MGAT4C: variants seen among roughly 807,000 people sequenced by gnomAD.
The protein encoded by MGAT4C is MGAT4 family member C.
Under a neutral mutation model 40.1 loss-of-function variants are expected in MGAT4C, and 19 were observed. The observed-to-expected ratio is 0.47, with a 90% CI of 0.33 to 0.70. The LOEUF (loss-of-function observed/expected upper bound fraction) is 0.70, where lower values mean the gene tolerates loss of function less well. Among genes scored for constraint, MGAT4C ranks in the 30% least tolerant of loss-of-function variants. The pLI, the probability that MGAT4C is intolerant of heterozygous loss-of-function variation, is 0.02. For synonymous variants in MGAT4C, 181 were observed against 187.1 expected (o/e 0.97, Z 0.27); for missense variants, 491 against 563.2 (o/e 0.87, Z 1.30).
In MGAT4C at chr12:86,303,559, T is replaced by TAA. The variant is rs67440846; in HGVS notation, c.-57+30504_-57+30505dup. On this transcript the variant is annotated intron_variant, in intron 4 of 7. Transcript: ENST00000548651. ...TGGAGAATGATTGAAGGAAGACACTTAAAAAAAAAAGAATAAAACTACTGC... is the reference window on the plus strand; with the variant it reads ...TGGAGAATGATTGAAGGAAGACACTTAAAAAAAAAAAAGAATAAAACTACTGC... Among the ~76,000 whole-genome samples, 874 of 145,916 alleles carry TAA rather than the reference T, an allele frequency of 6.0e-3. 59 individuals are homozygous for TAA. The highest frequency in any genetic ancestry group is 0.019 in the African/African-American group (705 of 37,918).
In MGAT4C at chr12:86,612,474, G is replaced by A. The variant is rs184013143; in HGVS notation, c.-229+114735C>T. Among the ~76,000 whole-genome samples, 30 of 152,160 alleles carry A rather than the reference G, an allele frequency of 2.0e-4. No homozygotes were observed. The East Asian group carries it at 5.0e-3, about 26-fold the overall frequency. On this transcript the variant is annotated intron_variant, in intron 2 of 7. Coordinates refer to the MGAT4C transcript ENST00000548651. ...AATTTAAAAAGTAGATGTGGGCCAG[G>A]CGCGGTGGCTCAAGCCTGTAATCCC...
chr12:86,153,196 C>A (rs903726079), intron 1 of MGAT4C, among the ~76,000 whole-genome samples: 1 of 152,098 alleles, frequency 6.6e-6, no homozygotes, highest in Non-Finnish European at 1.5e-5. Context: ...GCTGTAAACC[C>A]AACAAGTACA....
chr12:86,381,568 C>T lies in MGAT4C; in HGVS notation c.-119-47441G>A, dbSNP rs1178552460. On this transcript the variant is annotated intron_variant, in intron 3 of 7. Coordinates refer to the MGAT4C transcript ENST00000548651. ...CAACAGTGAGGGCAGATCTTTCCCACCTAATACCTTCAGACTCACACACTA... is the reference window on the plus strand; with the variant it reads ...CAACAGTGAGGGCAGATCTTTCCCATCTAATACCTTCAGACTCACACACTA... 5.9e-5 allele frequency among the ~76,000 whole-genome samples: 9 copies of T among 152,242 alleles called. 1 individual carries two copies. In the East Asian group the frequency reaches 1.7e-3, roughly 29 times the overall value.
chr12:86,612,769 T>C (rs1217989422), intron 2 of MGAT4C, among the ~76,000 whole-genome samples: 2 of 150,954 alleles, frequency 1.3e-5, no homozygotes, highest in Non-Finnish European at 3.0e-5. Flanking sequence ...AAAGTAGATG[T>C]TACATACCGC....
chr12:86,529,382 CT>C (rs752464135), intron 2 of MGAT4C, among the ~76,000 whole-genome samples: 2 of 152,088 alleles, frequency 1.3e-5, no homozygotes, highest in Non-Finnish European at 2.9e-5. Flanking sequence ...TCCACCTTCT[CT>C]TTTCCCTCTG....
At chr12:86,337,633 G>T (rs369180483) in intron 3 of MGAT4C, among the ~76,000 whole-genome samples, 8 of 151,326 alleles carry the variant, frequency 5.3e-5, no homozygotes, top group African/African-American at 1.9e-4. Flanking sequence ...TATAATTCAG[G>T]CAAGATACAA....
At chr12:86,338,983 CAGAG>C (rs1452340128) in intron 3 of MGAT4C, among the ~76,000 whole-genome samples, 26 of 84,072 alleles carry the variant, frequency 3.1e-4, no homozygotes, top group African/African-American at 1.0e-3. Flanking sequence ...AAAAAAAAAA[CAGAG>C]AGAAAGAGAG....
intron 2 of MGAT4C, among the ~76,000 whole-genome samples, chr12:86,020,086 T>A (rs1889532386): frequency 6.6e-6 from 1 of 152,154 alleles, no homozygotes; most frequent in Admixed American, 6.6e-5. Flanking sequence ...TTAAGGAGAT[T>A]TTGGGCTGAG....
chr12:86,127,147 C>T (rs533077251), intron 1 of MGAT4C, among the ~76,000 whole-genome samples: 17 of 152,222 alleles, frequency 1.1e-4, no homozygotes, highest in African/African-American at 2.9e-4. Flanking sequence ...TACAGATCAG[C>T]GGCACAGGGG....
intron 1 of MGAT4C, among the ~76,000 whole-genome samples, chr12:86,091,160 TA>T (rs912443215): frequency 4.6e-5 from 7 of 151,862 alleles, no homozygotes; most frequent in African/African-American, 1.7e-4. Context: ...TATTTTAAAA[TA>T]AAAAAATGTT....
chr12:86,789,009 G>A (rs1951979986), intron 1 of MGAT4C, among the ~76,000 whole-genome samples: 1 of 152,070 alleles, frequency 6.6e-6, no homozygotes, highest in African/African-American at 2.4e-5. Context: ...CTCACAAGAA[G>A]TGTATTCATA....
intron 1 of MGAT4C, among the ~76,000 whole-genome samples, chr12:86,240,333 C>A (rs1244761087): frequency 6.6e-6 from 1 of 151,808 alleles, no homozygotes; most frequent in East Asian, 1.9e-4. Flanking sequence ...TTTTTTATAT[C>A]CAATCTATCT....
intron 2 of MGAT4C, among the ~76,000 whole-genome samples, chr12:86,516,137 A>T (rs192779331): frequency 2.6e-5 from 4 of 152,208 alleles, no homozygotes; most frequent in Admixed American, 2.6e-4. Context: ...AACACAAGGG[A>T]CCCAGAATAT....
chr12:86,025,366 T>G lies in MGAT4C; in HGVS notation c.-7+24308A>C, dbSNP rs115522118. 8.5e-3 allele frequency among the ~76,000 whole-genome samples: 1,294 copies of G among 151,850 alleles called. 19 individuals are homozygous for G. The highest frequency in any genetic ancestry group is 0.03 in the African/African-American group (1,225 of 41,516). On this transcript the variant is annotated intron_variant, in intron 2 of 4. Transcript: ENST00000611864. ...CTTGTGTAATCGAAACATCATTGAT[T>G]CATGGCATTATGTAGATAATAAACT...
In MGAT4C at chr12:86,821,381, A is replaced by G. The variant is rs536254308; in HGVS notation, c.-262+17285T>C. On this transcript the variant is annotated intron_variant, in intron 1 of 7. Coordinates refer to the MGAT4C transcript ENST00000548651. ...CTTTTTAAATTTTTATGGATGCATA[A>G]TTTTGCATACTTATGGAGTATGTGC... is the stretch of plus-strand genomic sequence containing the variant. 7.9e-5 allele frequency among the ~76,000 whole-genome samples: 12 copies of G among 150,990 alleles called. 1 individual carries two copies. The South Asian group carries it at 1.9e-3, about 23-fold the overall frequency.
At chr12:86,140,757 G>A (rs1028611600) in intron 1 of MGAT4C, among the ~76,000 whole-genome samples, 9 of 152,112 alleles carry the variant, frequency 5.9e-5, no homozygotes, top group African/African-American at 1.4e-4. Context: ...TTTATTTAGA[G>A]CAACTAGAAT....
At chr12:86,017,714 C>T (rs1889237131) in intron 2 of MGAT4C, among the ~76,000 whole-genome samples, 2 of 152,080 alleles carry the variant, frequency 1.3e-5, no homozygotes, top group South Asian at 2.1e-4. Flanking sequence ...AATTTAGGGA[C>T]AGATATTTTT....
chr12:86,248,458 C>A (rs1330566799), intron 1 of MGAT4C, among the ~76,000 whole-genome samples: 1 of 151,888 alleles, frequency 6.6e-6, no homozygotes, highest in African/African-American at 2.4e-5. Context: ...TAATGCCCCT[C>A]AGTTTATCCT....
chr12:86,589,817 C>T (rs888063468), intron 2 of MGAT4C, among the ~76,000 whole-genome samples: 3 of 152,124 alleles, frequency 2.0e-5, no homozygotes, highest in South Asian at 4.1e-4. Context: ...ATGATTATCT[C>T]AATAGGCTCC....
Sources: gnomAD v4.1 joint callset for allele counts (sites outside exome capture counted in the v4.1 genomes callset) on GRCh38, gnomAD v4.1.1 for gene constraint, MANE v1.5 for transcripts, NCBI Gene and HGNC (gene_info 2026-07-23, HGNC 2026-07-21) for gene names.